RABGAP1L: variants seen among roughly 807,000 people sequenced by gnomAD.
RABGAP1L encodes rab GTPase-activating protein 1-like.
RABGAP1L carries 63 observed loss-of-function variants against 137.7 expected under a neutral mutation model. The ratio of observed to expected loss-of-function variants is 0.46; its 90% CI spans 0.37 to 0.56. The LOEUF (loss-of-function observed/expected upper bound fraction) is 0.56. Ranked by LOEUF, RABGAP1L falls within the 20% of genes least tolerant of loss-of-function variation. RABGAP1L has a pLI of 0.00. For synonymous variants in RABGAP1L, 431 were observed against 433.7 expected (o/e 0.99, Z 0.08); for missense variants, 1,095 against 1,244.0 (o/e 0.88, Z 1.80).
At chr1:174,683,922 G>A (rs974993429) in intron 15 of RABGAP1L, among the ~76,000 whole-genome samples, 4 of 152,120 alleles carry the variant, frequency 2.6e-5, no homozygotes, top group Admixed American at 6.5e-5. Context: ...ACTGTGACAA[G>A]GAAGTCCTTT....
At chr1:174,278,556 T>A in intron 9 of RABGAP1L, 57 bp from the exon 10 acceptor site, 1 of 1,400,654 alleles carries the variant, frequency 7.1e-7, no homozygotes, top group Non-Finnish European at 9.9e-7. Context: ...GAAACTTTGT[T>A]TAAAGTAGAC....
At chr1:174,851,708 C>G (rs1648385423) in intron 19 of RABGAP1L, among the ~76,000 whole-genome samples, 1 of 150,850 alleles carries the variant, frequency 6.6e-6, no homozygotes, top group African/African-American at 2.4e-5. Context: ...TTGATAGAGA[C>G]AGAGTCTCTC....
intron 19 of RABGAP1L, among the ~76,000 whole-genome samples, chr1:174,882,019 G>C (rs977750687): frequency 1.3e-5 from 2 of 152,042 alleles, no homozygotes; most frequent in African/African-American, 4.8e-5. Context: ...GCGCCACCAT[G>C]CCTGGCTAAT....
At chr1:174,654,478 C>CTA (rs962736159) in intron 14 of RABGAP1L, among the ~76,000 whole-genome samples, 7 of 152,150 alleles carry the variant, frequency 4.6e-5, no homozygotes, top group African/African-American at 1.7e-4. Flanking sequence ...TAGGGCAAGG[C>CTA]TATAGCTTTT....
intron 10 of RABGAP1L, among the ~76,000 whole-genome samples, chr1:174,294,597 A>C (rs975198837): frequency 2.0e-5 from 3 of 152,210 alleles, no homozygotes; most frequent in Non-Finnish European, 4.4e-5. Flanking sequence ...TTTAATTGAG[A>C]AAGGTCACTG....
chr1:174,890,771 A>G (rs1655998047), intron 19 of RABGAP1L, among the ~76,000 whole-genome samples: 1 of 151,802 alleles, frequency 6.6e-6, no homozygotes. Context: ...CTCACTTAAC[A>G]GTATGTGTTG....
chr1:174,786,377 T>C (rs1402361503), intron 18 of RABGAP1L, among the ~76,000 whole-genome samples: 2 of 152,234 alleles, frequency 1.3e-5, no homozygotes, highest in Non-Finnish European at 2.9e-5. Flanking sequence ...TCAACACCCA[T>C]ACTCTGTTTC....
intron 14 of RABGAP1L, among the ~76,000 whole-genome samples, chr1:174,665,582 A>G (rs1202248054): frequency 1.3e-5 from 2 of 152,080 alleles, no homozygotes; most frequent in Non-Finnish European, 2.9e-5. Flanking sequence ...TAGCCTCCCA[A>G]GTAGCTGGGA....
chr1:174,978,795 T>C lies in RABGAP1L; in HGVS notation c.2650-12T>C. The C allele has an allele frequency of 6.6e-7, 1 of 1,524,888 alleles. No individual in the cohort carries two copies. The highest frequency in any genetic ancestry group is 8.8e-7 in the Non-Finnish European group (1 of 1,139,968). The allele number at this position is 1,524,888 out of a possible 1,614,324, so 94.5% of individuals were successfully genotyped here. On this transcript the variant is annotated splice_polypyrimidine_tract_variant and intron_variant, in intron 22 of 25. Transcript: ENST00000681986. ...GGCTAAATCCTGATATTTCTCATTC[T>C]ATTCTTTCTAGCTAAAAGAAGTCTT...
At chr1:174,410,242 T>TA (rs1176690585) in intron 13 of RABGAP1L, among the ~76,000 whole-genome samples, 2 of 152,188 alleles carry the variant, frequency 1.3e-5, no homozygotes, top group East Asian at 1.9e-4. Context: ...AAATAGGACT[T>TA]ACGTTGAAAT....
At chr1:174,362,131 A>G (rs758983581) in intron 11 of RABGAP1L, among the ~76,000 whole-genome samples, 16 of 152,180 alleles carry the variant, frequency 1.1e-4, no homozygotes, top group Admixed American at 2.6e-4. Context: ...TTTTATGGCT[A>G]CATATTATTC....
At chr1:174,575,837 G>A (rs192745970) in intron 13 of RABGAP1L, among the ~76,000 whole-genome samples, 191 of 152,270 alleles carry the variant, frequency 1.3e-3, no homozygotes, top group African/African-American at 3.6e-3. Flanking sequence ...GAGGGTCACC[G>A]CCTTCTGGTC....
At chr1:174,651,031 T>G (rs1286111453) in intron 14 of RABGAP1L, among the ~76,000 whole-genome samples, 8 of 151,512 alleles carry the variant, frequency 5.3e-5, no homozygotes, top group Non-Finnish European at 1.0e-4. Flanking sequence ...TCTGGTATGT[T>G]GTGTCTTTGT....
chr1:174,424,728 CT>C (rs34975762), intron 13 of RABGAP1L, among the ~76,000 whole-genome samples: 7 of 151,698 alleles, frequency 4.6e-5, no homozygotes, highest in African/African-American at 1.7e-4. Flanking sequence ...TACATTTATT[CT>C]TTTTTTCCAG....
chr1:174,470,468 C>G (rs553283444), intron 13 of RABGAP1L, among the ~76,000 whole-genome samples: 1 of 152,256 alleles, frequency 6.6e-6, no homozygotes, highest in African/African-American at 2.4e-5. Context: ...CAGGGGCATT[C>G]TAAAATGCAG....
intron 13 of RABGAP1L, among the ~76,000 whole-genome samples, chr1:174,561,360 G>A (rs1477691585): frequency 6.6e-6 from 1 of 152,150 alleles, no homozygotes; most frequent in South Asian, 2.1e-4. Context: ...AATAAGAGAG[G>A]ACACAAACAA....
chr1:174,550,355 A>G (rs1048982331), intron 13 of RABGAP1L, among the ~76,000 whole-genome samples: 7 of 152,206 alleles, frequency 4.6e-5, no homozygotes, highest in African/African-American at 9.7e-5. Context: ...ATCAGTACAC[A>G]TGATGTGAAA....
chr1:174,179,974 C>T (rs1167151621), intron 1 of RABGAP1L, among the ~76,000 whole-genome samples: 1 of 152,136 alleles, frequency 6.6e-6, no homozygotes, highest in Admixed American at 6.6e-5. Context: ...TTGGAGATAG[C>T]AAGAGTATGC....
At chr1:174,942,774 G>T (rs1032740848) in intron 19 of RABGAP1L, among the ~76,000 whole-genome samples, 8 of 152,316 alleles carry the variant, frequency 5.3e-5, no homozygotes, top group Non-Finnish European at 1.0e-4. Flanking sequence ...ATTTCAGTCA[G>T]TGTGCAGTCC....
Sources: allele counts gnomAD v4.1 joint callset (sites outside exome capture counted in the v4.1 genomes callset), GRCh38; gene constraint gnomAD v4.1.1; transcripts MANE v1.5; gene names NCBI Gene and HGNC (gene_info 2026-07-23, HGNC 2026-07-21).